ZNF804B: variants seen among roughly 807,000 people sequenced by gnomAD.
ZNF804B encodes the protein zinc finger 804B.
A neutral mutation model predicts 101.4 loss-of-function variants in ZNF804B; 80 were observed. That is an observed-to-expected ratio of 0.79 (90% CI 0.66 to 0.95). The LOEUF is 0.95. ZNF804B is among the 40% of genes least tolerant of loss of function. The pLI is 0.00. For synonymous variants in ZNF804B, 622 were observed against 558.8 expected, an observed-to-expected ratio of 1.11 and a Z score of -1.59; for missense variants, 1,673 against 1,561.9, an observed-to-expected ratio of 1.07 and a Z score of -1.20.
At chr7:89,258,064 C>T (rs1427507872) in intron 2 of ZNF804B, among the ~76,000 whole-genome samples, 1 of 151,210 alleles carries the variant, frequency 6.6e-6, no homozygotes, top group East Asian at 1.9e-4. Flanking sequence ...GAAGACTGAA[C>T]ATATTTGGAA....
intron 1 of ZNF804B, among the ~76,000 whole-genome samples, chr7:88,924,759 A>T (rs1284183351): frequency 6.6e-6 from 1 of 152,132 alleles, no homozygotes; most frequent in Admixed American, 6.6e-5. Context: ...ATTACTGTGT[A>T]TTATGTATCT....
At chr7:89,110,882 T>C (rs1392681793) in intron 1 of ZNF804B, among the ~76,000 whole-genome samples, 1 of 152,118 alleles carries the variant, frequency 6.6e-6, no homozygotes, top group Non-Finnish European at 1.5e-5. Flanking sequence ...TCATCTCTCC[T>C]CTCCTCCCAC....
intron 1 of ZNF804B, among the ~76,000 whole-genome samples, chr7:88,830,379 A>T (rs557940415): frequency 1.3e-5 from 2 of 152,210 alleles, no homozygotes; most frequent in East Asian, 3.9e-4. Context: ...ACATATATAG[A>T]CAAATACAAA....
chr7:89,138,581 T>G (rs1476470248), intron 1 of ZNF804B, among the ~76,000 whole-genome samples: 1 of 151,828 alleles, frequency 6.6e-6, no homozygotes, highest in African/African-American at 2.4e-5. Context: ...GAAGGCATGA[T>G]TGGTTTTAAA....
intron 1 of ZNF804B, among the ~76,000 whole-genome samples, chr7:88,860,821 A>G (rs1791633873): frequency 6.6e-6 from 1 of 152,216 alleles, no homozygotes; most frequent in Non-Finnish European, 1.5e-5. Flanking sequence ...TCCAGAAAAA[A>G]TTTTGGTCTG....
chr7:89,219,408 A>T (rs918312848), intron 2 of ZNF804B, among the ~76,000 whole-genome samples: 1 of 150,284 alleles, frequency 6.7e-6, no homozygotes, highest in African/African-American at 2.5e-5. Context: ...CAAACAAAAA[A>T]TCCAAAAGGG....
At chr7:89,212,461 G>T (rs1188515051) in intron 1 of ZNF804B, among the ~76,000 whole-genome samples, 2 of 152,106 alleles carry the variant, frequency 1.3e-5, no homozygotes, top group Non-Finnish European at 2.9e-5. Flanking sequence ...ATAACCTGGA[G>T]AAATAAATAA....
chr7:88,947,720 A>T (rs1470068854), intron 1 of ZNF804B, among the ~76,000 whole-genome samples: 1 of 151,934 alleles, frequency 6.6e-6, no homozygotes, highest in African/African-American at 2.4e-5. Context: ...CTTGGGTTCC[A>T]TCCCCAATAA....
chr7:88,839,054 G>A (rs989573989), intron 1 of ZNF804B, among the ~76,000 whole-genome samples: 15 of 151,932 alleles, frequency 9.9e-5, no homozygotes, highest in Non-Finnish European at 1.3e-4. Context: ...CATAGTTGGC[G>A]TAATCACAAC....
At chr7:89,261,283 A>T (rs1789709325) in intron 2 of ZNF804B, among the ~76,000 whole-genome samples, 1 of 152,098 alleles carries the variant, frequency 6.6e-6, no homozygotes, top group African/African-American at 2.4e-5. Context: ...TAGACTTGTG[A>T]TATTTTTAGT....
intron 1 of ZNF804B, among the ~76,000 whole-genome samples, chr7:89,035,069 A>G (rs546597504): frequency 6.6e-6 from 1 of 152,324 alleles, no homozygotes; most frequent in East Asian, 1.9e-4. Flanking sequence ...TTACATGTGA[A>G]TGAGCATTTT....
chr7:88,968,072 A>T (rs1793483022), intron 1 of ZNF804B, among the ~76,000 whole-genome samples: 1 of 151,572 alleles, frequency 6.6e-6, no homozygotes, highest in Non-Finnish European at 1.5e-5. Flanking sequence ...TTTCAAAAAA[A>T]ATTCATCAAG....
intron 1 of ZNF804B, among the ~76,000 whole-genome samples, chr7:88,984,340 C>G (rs568837727): frequency 6.6e-6 from 1 of 152,166 alleles, no homozygotes; most frequent in South Asian, 2.1e-4. Context: ...ATGTTACCAT[C>G]TTTAAGGATG....
intron 1 of ZNF804B, among the ~76,000 whole-genome samples, chr7:88,985,313 T>C (rs1793744112): frequency 7.1e-6 from 1 of 140,230 alleles, no homozygotes; most frequent in Admixed American, 7.5e-5. Flanking sequence ...AAAACTAAAG[T>C]ATAGAAAAGA....
In ZNF804B at chr7:89,161,909, A is replaced by G. The variant is rs528250969; in HGVS notation, c.109-56246A>G. 2.0e-4 allele frequency among the ~76,000 whole-genome samples: 30 copies of G among 152,248 alleles called. No individual in the cohort carries two copies. In the South Asian group the frequency reaches 4.4e-3, roughly 22 times the overall value. ...TTTCTGTAGCAATATGAGATAGTAA[A>G]TTTTATCCACATTTATTATATATGA... On this transcript the variant is annotated intron_variant, in intron 1 of 3. Transcript: ENST00000333190.
rs112134078 is a variant in ZNF804B, at chr7:89,116,818, A to G, written c.109-101337A>G. Among the ~76,000 whole-genome samples, 3 of 152,314 alleles carry G rather than the reference A, an allele frequency of 2.0e-5. No homozygotes were observed. In the East Asian group the frequency reaches 5.8e-4, roughly 29 times the overall value. On this transcript the variant is annotated intron_variant, in intron 1 of 3. Transcript: ENST00000333190. Reference sequence around the variant, plus strand: ...CCTAGATTCCACTAGAGTGCTATATAGTAAGTTGAATAATGGCACCAGAGA... The same window carrying G: ...CCTAGATTCCACTAGAGTGCTATATGGTAAGTTGAATAATGGCACCAGAGA...
chr7:88,849,049 A>G (rs970922457), intron 1 of ZNF804B, among the ~76,000 whole-genome samples: 3 of 152,132 alleles, frequency 2.0e-5, no homozygotes, highest in African/African-American at 7.2e-5. Flanking sequence ...TCTGCCCTCA[A>G]TTTACAAACA....
chr7:88,997,041 T>C (rs1475898094), intron 1 of ZNF804B, among the ~76,000 whole-genome samples: 1 of 152,106 alleles, frequency 6.6e-6, no homozygotes, highest in Non-Finnish European at 1.5e-5. Context: ...AATTACTTCT[T>C]AGAAATATTT....
intron 2 of ZNF804B, among the ~76,000 whole-genome samples, chr7:89,301,542 T>A (rs1184058187): frequency 6.6e-6 from 1 of 151,910 alleles, no homozygotes; most frequent in Non-Finnish European, 1.5e-5. Flanking sequence ...CTTTTCCTCA[T>A]GAATGCAATG....
Sources: allele counts gnomAD v4.1 joint callset (sites outside exome capture counted in the v4.1 genomes callset), GRCh38; gene constraint gnomAD v4.1.1; transcripts MANE v1.5; gene names NCBI Gene and HGNC (gene_info 2026-07-23, HGNC 2026-07-21).